Variants in RAB31 observed in about 807,000 individuals in gnomAD.
RAB31 encodes the protein ras-related protein Rab-31.
Under a neutral mutation model 25.6 loss-of-function variants are expected in RAB31, and 21 were observed. That is an observed-to-expected ratio of 0.82 (90% CI 0.58 to 1.18). The LOEUF (loss-of-function observed/expected upper bound fraction) is 1.18. RAB31 is among the 50% of genes most tolerant of loss of function. The probability of loss-of-function intolerance (pLI) is 0.00; values close to 1 mark genes in which losing one functional copy is unlikely to be tolerated. For missense variants in RAB31, 196 were observed against 250.1 expected (o/e 0.78, Z 1.46); for synonymous variants, 87 against 84.0 (o/e 1.04, Z -0.20).
At chr18:9,818,368 T>C (rs923185290) in intron 5 of RAB31, among the ~76,000 whole-genome samples, 1 of 152,200 alleles carries the variant, frequency 6.6e-6, no homozygotes, top group African/African-American at 2.4e-5. Context: ...TTATACTCGC[T>C]CTCAATTTCC....
At chr18:9,858,789 G>A (rs2068831862) in intron 6 of RAB31, among the ~76,000 whole-genome samples, 1 of 152,178 alleles carries the variant, frequency 6.6e-6, no homozygotes, top group Non-Finnish European at 1.5e-5. Context: ...TTTCTATTTT[G>A]AGAAGCAGAA....
chr18:9,712,539 C>A (rs371504720), intron 1 of RAB31, among the ~76,000 whole-genome samples: 18 of 152,172 alleles, frequency 1.2e-4, no homozygotes, highest in African/African-American at 3.9e-4. Flanking sequence ...ACAACAACAA[C>A]AAAAAATACT....
intron 1 of RAB31, among the ~76,000 whole-genome samples, chr18:9,711,530 GC>G (rs2068017270): frequency 2.0e-5 from 3 of 152,198 alleles, no homozygotes; most frequent in Non-Finnish European, 4.4e-5. Flanking sequence ...GTACCACCCA[GC>G]CCAGCTAATA....
At chr18:9,850,297 T>A (rs1384606566) in intron 6 of RAB31, among the ~76,000 whole-genome samples, 1 of 152,174 alleles carries the variant, frequency 6.6e-6, no homozygotes, top group East Asian at 1.9e-4. Context: ...TATTATTATT[T>A]TTTTATTTTT....
At position 9,814,152 on chromosome 18, in the gene RAB31, C is replaced by T. The variant is rs2068589375; in HGVS notation, c.273+61C>T. 1.0e-5 allele frequency: 13 copies of T among 1,276,914 alleles called. No individual in the cohort carries two copies. In the South Asian group the frequency reaches 1.4e-4, roughly 14 times the overall value. The allele number at this position is 1,276,914 out of a possible 1,614,324, so 79.1% of individuals were successfully genotyped here. On this transcript the variant is annotated intron_variant, in intron 4 of 6. Coordinates refer to ENST00000578921, the MANE Select transcript of RAB31 (RefSeq NM_006868.4). Reference sequence around the variant, plus strand: ...ATGGTGGTTCTCTCACTTAGAGAGACTGGAGCAGAGACGTCACTGCTTGCA... The same window carrying T: ...ATGGTGGTTCTCTCACTTAGAGAGATTGGAGCAGAGACGTCACTGCTTGCA...
intron 5 of RAB31, 118 bp downstream of exon 5, chr18:9,815,340 T>C (rs2068596324): frequency 3.2e-6 from 1 of 308,638 alleles, no homozygotes; most frequent in African/African-American, 3.5e-5. Flanking sequence ...CCTCCATCCC[T>C]GAGTGTCATC....
intron 5 of RAB31, among the ~76,000 whole-genome samples, chr18:9,831,666 C>T (rs1351004745): frequency 1.3e-5 from 2 of 152,246 alleles, no homozygotes; most frequent in Non-Finnish European, 2.9e-5. Context: ...TCTAGCTATG[C>T]TGTAGGGCCA....
rs559987415 is a variant in RAB31 at position 9,710,065 on chromosome 18, C to T, written c.39+1621C>T. Among the ~76,000 whole-genome samples, 23 of 152,282 alleles carry T rather than the reference C, an allele frequency of 1.5e-4. No homozygotes were observed. The South Asian group carries it at 4.4e-3, about 29-fold the overall frequency. On this transcript the variant is annotated intron_variant, in intron 1 of 6. Transcript: ENST00000578921. The stretch of plus-strand genomic sequence containing the variant: ...TTGACTTTTACTGAGGTGGTCCAAG[C>T]CCTGCCGTGTCACAGGACCCCTTAT...
At chr18:9,757,303 G>A (rs1343246973) in intron 1 of RAB31, among the ~76,000 whole-genome samples, 1 of 152,170 alleles carries the variant, frequency 6.6e-6, no homozygotes, top group Admixed American at 6.5e-5. Flanking sequence ...AGGGAAGCCG[G>A]CCTGCAGTGG....
Position 9,708,450 on chromosome 18 carries a change from T to G in RAB31, c.39+6T>G. On this transcript the variant is annotated splice_donor_region_variant and intron_variant, in intron 1 of 6. Coordinates refer to ENST00000578921, the MANE Select transcript of RAB31 (RefSeq NM_006868.4). This position sits in a 1 kb window ranked among gnomAD's most constrained non-coding sequence, Gnocchi z 6.4. ...TCAAAGTGTGCCTTCTCGGGGTGAG[T>G]CCTGGCCGCCACCCGCCGGCGGACC... is the stretch of plus-strand genomic sequence containing the variant. 1.3e-6 allele frequency: 2 copies of G among 1,561,286 alleles called. No homozygotes were observed. The highest frequency in any genetic ancestry group is 1.7e-6 in the Non-Finnish European group (2 of 1,155,606).
intron 1 of RAB31, among the ~76,000 whole-genome samples, chr18:9,718,183 T>C (rs904832709): frequency 4.6e-5 from 7 of 151,664 alleles, no homozygotes; most frequent in African/African-American, 1.2e-4. Context: ...AAAGTGTTTT[T>C]TAAAGTTCAT....
At chr18:9,751,461 C>T (rs2068234710) in intron 1 of RAB31, among the ~76,000 whole-genome samples, 1 of 152,184 alleles carries the variant, frequency 6.6e-6, no homozygotes, top group Non-Finnish European at 1.5e-5. Context: ...GCCCGCGGTG[C>T]AGATTTGATA....
intron 1 of RAB31, among the ~76,000 whole-genome samples, chr18:9,716,615 C>T (rs895812414): frequency 2.6e-5 from 4 of 152,140 alleles, no homozygotes; most frequent in Admixed American, 2.0e-4. Context: ...CTTATTTACC[C>T]GGGGATTGAC....
intron 3 of RAB31, chr18:9,797,218 T>G (rs1176193580): frequency 6.6e-6 from 1 of 152,210 alleles, no homozygotes; most frequent in African/African-American, 2.4e-5. Flanking sequence ...GATCTGCTGG[T>G]TTTTTGTTTG....
At chr18:9,798,055 T>G (rs2068495322) in intron 3 of RAB31, among the ~76,000 whole-genome samples, 1 of 152,244 alleles carries the variant, frequency 6.6e-6, no homozygotes, top group Non-Finnish European at 1.5e-5. Flanking sequence ...CTGACTCCAT[T>G]GATACATCCA....
At chr18:9,848,438 G>A (rs542273881) in intron 6 of RAB31, among the ~76,000 whole-genome samples, 10 of 152,066 alleles carry the variant, frequency 6.6e-5, no homozygotes, top group South Asian at 4.1e-4. Context: ...CCATCTGTCC[G>A]CCTGTCTATC....
chr18:9,794,043 C>T (rs2068474737), intron 3 of RAB31, among the ~76,000 whole-genome samples: 1 of 152,176 alleles, frequency 6.6e-6, no homozygotes, highest in African/African-American at 2.4e-5. Context: ...CAGGTGCTCA[C>T]CACCACTCTG....
intron 5 of RAB31, among the ~76,000 whole-genome samples, chr18:9,832,567 G>A (rs531071917): frequency 1.3e-5 from 2 of 152,344 alleles, no homozygotes; most frequent in African/African-American, 4.8e-5. Flanking sequence ...GCAGGCAGGG[G>A]CAGGAGTGGA....
chr18:9,833,521 G>A (rs77239594), intron 5 of RAB31, among the ~76,000 whole-genome samples: 1,572 of 152,258 alleles, frequency 0.01, 26 homozygotes, highest in African/African-American at 0.035. Context: ...ACTTTTGCTC[G>A]ATCTCTTGTT....
Sources: gnomAD v4.1 joint callset for allele counts (sites outside exome capture counted in the v4.1 genomes callset) on GRCh38, gnomAD v4.1.1 for gene constraint, Gnocchi (gnomAD v3.1) non-coding constraint, MANE v1.5 for transcripts, NCBI Gene and HGNC (gene_info 2026-07-23, HGNC 2026-07-21) for gene names.